Variants in EDIL3 observed in about 807,000 individuals in gnomAD.
EDIL3 encodes EGF-like repeat and discoidin I-like domain-containing protein 3.
In EDIL3, 37 loss-of-function variants were observed where a neutral mutation model predicts 67.4. That is an observed-to-expected ratio of 0.55 (90% CI 0.42 to 0.72). EDIL3 has a LOEUF of 0.72. Among genes scored for constraint, EDIL3 ranks in the 30% least tolerant of loss-of-function variants. The pLI is 0.00. For synonymous variants in EDIL3, 195 were observed against 196.3 expected, an observed-to-expected ratio of 0.99 and a Z score of 0.05; for missense variants, 527 against 586.3, an observed-to-expected ratio of 0.90 and a Z score of 1.04.
At chr5:84,138,990 A>C (rs549521505) in intron 4 of EDIL3, among the ~76,000 whole-genome samples, 1 of 152,354 alleles carries the variant, frequency 6.6e-6, no homozygotes, top group South Asian at 2.1e-4. Flanking sequence ...CTGTCATCCC[A>C]GCACTTTGGC....
rs10530772 is a variant in EDIL3 at position 84,075,890 on chromosome 5, G to GCACACACA, written c.652-9292_652-9285dup. Reference sequence around the variant, plus strand: ...TACAAACACGTGCAAAAGTGTGCACGCACACACACACACACACACACACAC... The same window carrying GCACACACA: ...TACAAACACGTGCAAAAGTGTGCACGCACACACACACACACACACACACACACACACAC... On this transcript the variant is annotated intron_variant, in intron 6 of 10. Transcript: ENST00000296591. 5.3e-3 allele frequency among the ~76,000 whole-genome samples: 772 copies of GCACACACA among 144,956 alleles called. 3 individuals are homozygous for GCACACACA. The highest frequency in any genetic ancestry group is 9.0e-3 in the East Asian group (44 of 4,902).
chr5:84,187,129 T>A (rs935317337), intron 3 of EDIL3, among the ~76,000 whole-genome samples: 4 of 152,012 alleles, frequency 2.6e-5, no homozygotes, highest in African/African-American at 9.7e-5. Flanking sequence ...TTTAAGTAGC[T>A]CCTAACACAA....
chr5:84,280,116 T>C (rs1262605454), intron 1 of EDIL3, among the ~76,000 whole-genome samples: 1 of 152,212 alleles, frequency 6.6e-6, no homozygotes, highest in Non-Finnish European at 1.5e-5. Context: ...TGTTTCTACA[T>C]CTTTGCTTTC....
At chr5:84,138,484 A>C (rs571773737) in intron 4 of EDIL3, among the ~76,000 whole-genome samples, 1 of 152,276 alleles carries the variant, frequency 6.6e-6, no homozygotes, top group South Asian at 2.1e-4. Flanking sequence ...CATGTGCACA[A>C]TCTTAAAACA....
chr5:84,274,021 T>A lies in EDIL3; in HGVS notation c.68-19809A>T, dbSNP rs555280550. On this transcript the variant is annotated intron_variant, in intron 1 of 10. Coordinates refer to ENST00000296591, the MANE Select transcript of EDIL3 (RefSeq NM_005711.5). Reference sequence around the variant, plus strand: ...ATCTAACCTATTTTTCCCCTATCTTTGTCCATCTGCTTTTACTCCAGTTGT... The same window carrying A: ...ATCTAACCTATTTTTCCCCTATCTTAGTCCATCTGCTTTTACTCCAGTTGT... Among the ~76,000 whole-genome samples the A allele has an allele frequency of 2.0e-3, 306 of 152,314 alleles. 2 individuals carry two copies. The highest frequency in any genetic ancestry group is 7.0e-3 in the African/African-American group (293 of 41,572).
intron 3 of EDIL3, among the ~76,000 whole-genome samples, chr5:84,199,621 T>A (rs577689506): frequency 1.3e-5 from 2 of 152,052 alleles, no homozygotes; most frequent in Non-Finnish European, 2.9e-5. Context: ...ACTTTGTTTC[T>A]TTTACCCTGG....
chr5:84,176,483 G>T (rs1446661368), intron 4 of EDIL3, among the ~76,000 whole-genome samples: 2 of 151,074 alleles, frequency 1.3e-5, no homozygotes, highest in African/African-American at 4.9e-5. Flanking sequence ...AAAGGCTCTG[G>T]AGCTGTGCAC....
chr5:84,006,437 T>C (rs1403262328), intron 9 of EDIL3, among the ~76,000 whole-genome samples: 1 of 152,130 alleles, frequency 6.6e-6, no homozygotes, highest in Non-Finnish European at 1.5e-5. Flanking sequence ...CTGGAGGCCA[T>C]TATGCTATGC....
intron 3 of EDIL3, among the ~76,000 whole-genome samples, chr5:84,224,278 CT>C (rs1453997637): frequency 1.3e-5 from 2 of 151,324 alleles, no homozygotes; most frequent in Admixed American, 6.6e-5. Context: ...GAATGATTTC[CT>C]TGTGATAAAT....
intron 4 of EDIL3, among the ~76,000 whole-genome samples, chr5:84,139,004 C>T (rs56222943): frequency 0.15 from 22,506 of 152,106 alleles, 1,995 homozygotes; most frequent in East Asian, 0.44. Context: ...CTTTGGCAGG[C>T]CAAGGCGGGT....
At chr5:84,104,643 T>C (rs770487394) in intron 6 of EDIL3, among the ~76,000 whole-genome samples, 16 of 151,988 alleles carry the variant, frequency 1.1e-4, no homozygotes, top group Admixed American at 2.6e-4. Flanking sequence ...ATCATCCCAC[T>C]GACCTTAAAA....
intron 6 of EDIL3, among the ~76,000 whole-genome samples, chr5:84,086,695 C>A (rs1053883608): frequency 6.6e-6 from 1 of 152,102 alleles, no homozygotes; most frequent in Admixed American, 6.6e-5. Flanking sequence ...TAGTCGTGAA[C>A]ATGGTATTTT....
intron 3 of EDIL3, among the ~76,000 whole-genome samples, chr5:84,181,910 C>G (rs1308903508): frequency 6.6e-6 from 1 of 152,058 alleles, no homozygotes; most frequent in East Asian, 1.9e-4. Flanking sequence ...AAAAGGAAAG[C>G]AAGGGTAATT....
intron 5 of EDIL3, among the ~76,000 whole-genome samples, chr5:84,108,658 T>C (rs759628002): frequency 6.6e-6 from 1 of 152,228 alleles, no homozygotes; most frequent in Non-Finnish European, 1.5e-5. Context: ...TTCATAAACG[T>C]ACTAAGAAAC....
At chr5:84,082,235 G>A (rs1427470542) in intron 6 of EDIL3, among the ~76,000 whole-genome samples, 2 of 152,186 alleles carry the variant, frequency 1.3e-5, no homozygotes, top group Non-Finnish European at 2.9e-5. Flanking sequence ...ATTGGTAGTG[G>A]TAGCAAGTGT....
intron 10 of EDIL3, among the ~76,000 whole-genome samples, chr5:83,949,314 G>C (rs938128798): frequency 6.6e-6 from 1 of 151,666 alleles, no homozygotes; most frequent in Non-Finnish European, 1.5e-5. Context: ...CAATTTATCA[G>C]CAGGTGAAAG....
intron 3 of EDIL3, among the ~76,000 whole-genome samples, chr5:84,192,603 T>A (rs919766133): frequency 6.6e-6 from 1 of 152,038 alleles, no homozygotes; most frequent in Non-Finnish European, 1.5e-5. Flanking sequence ...CCATGTTACA[T>A]ACTATTTCCA....
chr5:83,952,942 T>A (rs1744446444), intron 10 of EDIL3, among the ~76,000 whole-genome samples: 1 of 151,806 alleles, frequency 6.6e-6, no homozygotes, highest in African/African-American at 2.4e-5. Context: ...ATGTGACTTC[T>A]AAGCCAGACT....
intron 9 of EDIL3, among the ~76,000 whole-genome samples, chr5:83,998,784 C>G (rs1193039165): frequency 2.0e-5 from 3 of 152,166 alleles, no homozygotes; most frequent in Admixed American, 2.0e-4. Context: ...TTGAATAAAC[C>G]TCAGTGGTAC....
Sources: gnomAD v4.1 joint callset for allele counts (sites outside exome capture counted in the v4.1 genomes callset) on GRCh38, gnomAD v4.1.1 for gene constraint, MANE v1.5 for transcripts, NCBI Gene and HGNC (gene_info 2026-07-23, HGNC 2026-07-21) for gene names.